The following CACNA2D3 variants were observed in gnomAD, a reference collection of about 807,000 sequenced individuals.
CACNA2D3 encodes calcium voltage-gated channel auxiliary subunit alpha2delta 3, also known as voltage-dependent calcium channel subunit alpha-2/delta-3.
A neutral mutation model predicts 160.6 loss-of-function variants in CACNA2D3; 60 were observed. The observed-to-expected ratio is 0.37, with a 90% CI of 0.30 to 0.46. CACNA2D3 has a LOEUF of 0.46. Among genes scored for constraint, CACNA2D3 ranks in the 20% least tolerant of loss-of-function variants. The pLI is 1.00. For synonymous variants in CACNA2D3, 558 were observed against 492.9 expected (o/e 1.13, Z -1.75); for missense variants, 1,205 against 1,365.0 (o/e 0.88, Z 1.85).
At chr3:54,698,827 T>A (rs1700712816) in intron 11 of CACNA2D3, among the ~76,000 whole-genome samples, 1 of 152,182 alleles carries the variant, frequency 6.6e-6, no homozygotes, top group Non-Finnish European at 1.5e-5. Context: ...ATGGCCTGCC[T>A]ATGTATTTAT....
chr3:54,626,668 C>T (rs1699116023), intron 9 of CACNA2D3: 1 of 634,650 alleles, frequency 1.6e-6, no homozygotes, highest in Non-Finnish European at 2.7e-6. Context: ...CTAATAAAGG[C>T]GCACATGGTT....
chr3:54,628,077 A>C (rs528352371), intron 10 of CACNA2D3, among the ~76,000 whole-genome samples: 1 of 152,162 alleles, frequency 6.6e-6, no homozygotes, highest in East Asian at 1.9e-4. Flanking sequence ...CTAAAAATAC[A>C]AAAAATTAGC....
chr3:54,719,527 CTT>C (rs1341691373), intron 11 of CACNA2D3, among the ~76,000 whole-genome samples: 2 of 151,896 alleles, frequency 1.3e-5, no homozygotes, highest in African/African-American at 4.8e-5. Flanking sequence ...ATATATTAAA[CTT>C]TTATATTTCA....
intron 5 of CACNA2D3, among the ~76,000 whole-genome samples, chr3:54,509,800 A>T (rs1413826713): frequency 6.6e-6 from 1 of 152,218 alleles, no homozygotes; most frequent in African/African-American, 2.4e-5. Flanking sequence ...TTTGGAAATT[A>T]TATTTTATAT....
intron 11 of CACNA2D3, among the ~76,000 whole-genome samples, chr3:54,704,743 A>G (rs879389947): frequency 2.6e-5 from 4 of 152,062 alleles, no homozygotes; most frequent in Admixed American, 6.6e-5. Flanking sequence ...ACTCCTTCCT[A>G]TTGTTTAAAA....
chr3:54,894,312 C>T (rs1390667047), intron 25 of CACNA2D3, among the ~76,000 whole-genome samples: 1 of 152,188 alleles, frequency 6.6e-6, no homozygotes, highest in Non-Finnish European at 1.5e-5. Context: ...GCAACTCAGT[C>T]CTTTCGCAGT....
At chr3:54,562,705 C>T in intron 5 of CACNA2D3, 95 bp from the exon 6 acceptor site, 1 of 1,073,692 alleles carries the variant, frequency 9.3e-7, no homozygotes, top group African/African-American at 1.6e-5. Context: ...GATGGAGTAC[C>T]TTGTGCCAGT....
intron 4 of CACNA2D3, among the ~76,000 whole-genome samples, chr3:54,467,888 A>C (rs1368449961): frequency 1.3e-5 from 2 of 152,350 alleles, no homozygotes; most frequent in South Asian, 2.1e-4. Flanking sequence ...AGTTCTTATC[A>C]CAAAGAAATG....
intron 2 of CACNA2D3, among the ~76,000 whole-genome samples, chr3:54,274,934 C>G (rs1702703143): frequency 6.6e-6 from 1 of 152,216 alleles, no homozygotes; most frequent in Admixed American, 6.5e-5. Flanking sequence ...TCACTTCTGT[C>G]ATATTTTATT....
rs60020847 is a variant in CACNA2D3, at chr3:54,832,011, TCACACACACACA to T, written c.1399-5114_1399-5103del. 9.0e-3 allele frequency among the ~76,000 whole-genome samples: 1,067 copies of T among 118,946 alleles called. 12 individuals carry two copies. Among genetic ancestry groups the T allele is most frequent in the Non-Finnish European group, 9.7e-3 (562 of 57,794 alleles). 78.0% of individuals were successfully genotyped at this position (118,946 alleles called of 152,430 possible). ...TCCCTCTTTATCTCTCTCTTCTCTGTCACACACACACACACACACACACACACACACACACAC... is the reference window on the plus strand; with the variant it reads ...TCCCTCTTTATCTCTCTCTTCTCTGTCACACACACACACACACACACACAC... On this transcript the variant is annotated intron_variant, in intron 14 of 37. Transcript: ENST00000474759.
chr3:54,711,323 A>C (rs913049128), intron 11 of CACNA2D3, among the ~76,000 whole-genome samples: 1 of 152,210 alleles, frequency 6.6e-6, no homozygotes, highest in Non-Finnish European at 1.5e-5. Flanking sequence ...GGATAAGCCA[A>C]CTTCAAACAT....
chr3:54,696,105 G>T (rs1700660378), intron 11 of CACNA2D3, among the ~76,000 whole-genome samples: 1 of 152,148 alleles, frequency 6.6e-6, no homozygotes, highest in African/African-American at 2.4e-5. Context: ...TTGTGTTCCT[G>T]TCTGGCTTCT....
chr3:54,404,777 G>A lies in CACNA2D3; in HGVS notation c.381+18003G>A, dbSNP rs145786944. On this transcript the variant is annotated intron_variant, in intron 4 of 37. Transcript: ENST00000474759. ...CTGTTAGATCTCAATAAAGTTGCAG[G>A]ATGTAAAATAAAGATACAAAAATTT... Among the ~76,000 whole-genome samples the A allele has an allele frequency of 1.4e-4, 21 of 152,022 alleles. No homozygotes were observed. In the East Asian group the frequency reaches 4.1e-3, roughly 29 times the overall value.
intron 4 of CACNA2D3, among the ~76,000 whole-genome samples, chr3:54,502,485 A>T (rs1350959400): frequency 6.6e-6 from 1 of 152,232 alleles, no homozygotes; most frequent in Non-Finnish European, 1.5e-5. Flanking sequence ...CTTTCATAGA[A>T]TATCCACCTC....
intron 24 of CACNA2D3, among the ~76,000 whole-genome samples, chr3:54,888,268 G>A (rs899956048): frequency 2.0e-5 from 3 of 152,172 alleles, no homozygotes; most frequent in East Asian, 1.9e-4. Flanking sequence ...GAGTTTTAAC[G>A]TTACATGAAA....
chr3:54,375,016 T>G (rs1698986226), intron 3 of CACNA2D3, among the ~76,000 whole-genome samples: 1 of 152,202 alleles, frequency 6.6e-6, no homozygotes, highest in African/African-American at 2.4e-5. Context: ...TCATGCCTTC[T>G]TTTGCCACTG....
At chr3:54,571,825 T>C (rs1559515814) in intron 8 of CACNA2D3, among the ~76,000 whole-genome samples, 1 of 152,180 alleles carries the variant, frequency 6.6e-6, no homozygotes, top group Non-Finnish European at 1.5e-5. Flanking sequence ...TGTCTTGGGC[T>C]AATTACTTTA....
chr3:54,180,715 A>G (rs937968240), intron 2 of CACNA2D3, among the ~76,000 whole-genome samples: 2 of 152,186 alleles, frequency 1.3e-5, no homozygotes, highest in Non-Finnish European at 2.9e-5. Context: ...TCTAAGCACC[A>G]TACCTGTCTC....
chr3:54,138,533 C>A (rs1485916261), intron 2 of CACNA2D3, among the ~76,000 whole-genome samples: 3 of 152,208 alleles, frequency 2.0e-5, no homozygotes, highest in Non-Finnish European at 4.4e-5. Flanking sequence ...ACTTGCTGGA[C>A]AAATACTTGT....
Sources: gnomAD v4.1 joint callset for allele counts (sites outside exome capture counted in the v4.1 genomes callset) on GRCh38, gnomAD v4.1.1 for gene constraint, MANE v1.5 for transcripts, NCBI Gene and HGNC (gene_info 2026-07-23, HGNC 2026-07-21) for gene names.